ARG2: variants seen among roughly 807,000 people sequenced by gnomAD.
ARG2 encodes arginase 2.
A neutral mutation model predicts 39.4 loss-of-function variants in ARG2; 21 were observed. The observed-to-expected ratio is 0.53, with a 90% CI of 0.38 to 0.77. The LOEUF (loss-of-function observed/expected upper bound fraction) is 0.77. Among genes scored for constraint, ARG2 ranks in the 30% least tolerant of loss-of-function variants. The pLI is 0.00. For missense variants in ARG2, 378 were observed against 426.2 expected (o/e 0.89, Z 1.00); for synonymous variants, 150 against 156.7 (o/e 0.96, Z 0.32).
intron 2 of ARG2, among the ~76,000 whole-genome samples, chr14:67,638,450 T>C (rs1407578163): frequency 6.6e-6 from 1 of 152,150 alleles, no homozygotes; most frequent in African/African-American, 2.4e-5. Flanking sequence ...ACCTCTGATA[T>C]ACACGTTATC....
At position 67,642,285 on chromosome 14, in the gene ARG2, C is replaced by A; in HGVS notation, c.284C>A (p.Ala95Asp). ...LIVNPRSVGL[A>D]NQELAEVVSR... ...GTGAATCCACGCTCAGTGGGTCTTG[C>A]CAACCAGGAACTGGCTGAGGTGGTT... is the stretch of plus-strand genomic sequence containing the variant. The change falls in exon 3 of 8, where the codon GCC becomes GAC. Residue 95 changes from alanine (A) to aspartate (D), a missense_variant. Ala to Asp is a moderately radical substitution (Grantham distance 126). Coordinates refer to ENST00000261783, the MANE Select transcript of ARG2 (RefSeq NM_001172.4). 5.0e-6 allele frequency: 8 copies of A among 1,614,056 alleles called. No homozygotes were observed. The highest frequency in any genetic ancestry group is 6.8e-6 in the Non-Finnish European group (8 of 1,180,004).
chr14:67,651,555 C>A lies in ARG2; in HGVS notation c.*635C>A. The A allele has an allele frequency of 4.6e-6, 7 of 1,531,086 alleles. No individual in the cohort carries two copies. Among genetic ancestry groups the A allele is most frequent in the Non-Finnish European group, 6.2e-6 (7 of 1,127,632 alleles). 94.8% of individuals were successfully genotyped at this position (1,531,086 alleles called of 1,614,324 possible). ...CCTTCTAAACATTTTGGGGTTAGAC[C>A]TGGGACCACGGCTGGATACTCTGAG... On this transcript the variant is annotated 3_prime_UTR_variant, in exon 8 of 8. Coordinates refer to ENST00000261783, the MANE Select transcript of ARG2 (RefSeq NM_001172.4).
chr14:67,646,557 A>C (rs1197422067), intron 4 of ARG2, 87 bp from the exon 5 acceptor site: 1 of 1,047,440 alleles, frequency 9.5e-7, no homozygotes, highest in Non-Finnish European at 1.5e-6. Flanking sequence ...AGAAGAAAGC[A>C]GATTGCATAC....
In ARG2 at chr14:67,651,066, C is replaced by T. The variant is rs1831827010; in HGVS notation, c.*146C>T. 10 of 1,060,892 alleles carry T rather than the reference C, an allele frequency of 9.4e-6. No individual in the cohort carries two copies. The highest frequency in any genetic ancestry group is 2.2e-4 in the Middle Eastern group (1 of 4,546). The allele number at this position is 1,060,892 out of a possible 1,614,324, so 65.7% of individuals were successfully genotyped here. ...TTCTCACAATTGTAAAGTTTCCCCT[C>T]TATTTTGGTGACCAATACTACTGTA... On this transcript the variant is annotated 3_prime_UTR_variant, in exon 8 of 8. Transcript: ENST00000261783.
At chr14:67,627,320 G>A (rs1424234042) in intron 2 of ARG2, among the ~76,000 whole-genome samples, 2 of 148,072 alleles carry the variant, frequency 1.4e-5, no homozygotes, top group African/African-American at 5.1e-5. Context: ...TCTGTTTTGT[G>A]ACTTGGGTAG....
intron 2 of ARG2, among the ~76,000 whole-genome samples, chr14:67,633,045 C>T (rs899912232): frequency 1.3e-5 from 2 of 151,946 alleles, no homozygotes; most frequent in African/African-American, 4.8e-5. Flanking sequence ...TGGTCTCGAT[C>T]TCCTGACCTC....
chr14:67,647,936 C>T, intron 6 of ARG2, 111 bp from the exon 7 acceptor site: 1 of 1,059,106 alleles, frequency 9.4e-7, no homozygotes, highest in Non-Finnish European at 1.4e-6. Flanking sequence ...TAACAAAGTA[C>T]TAGGACTAAT....
At chr14:67,625,915 T>C (rs1007963515) in intron 2 of ARG2, among the ~76,000 whole-genome samples, 1 of 152,160 alleles carries the variant, frequency 6.6e-6, no homozygotes, top group Non-Finnish European at 1.5e-5. Flanking sequence ...AAAGAAGTTA[T>C]ACAAATGGGC....
intron 3 of ARG2, among the ~76,000 whole-genome samples, chr14:67,643,862 A>G (rs1037906438): frequency 1.6e-4 from 15 of 91,090 alleles, no homozygotes; most frequent in African/African-American, 3.5e-4. Flanking sequence ...TAAAAAAAAA[A>G]AAAAAAAAAA....
intron 7 of ARG2, chr14:67,649,801 T>C (rs1343566124): frequency 6.6e-6 from 1 of 152,246 alleles, no homozygotes; most frequent in Non-Finnish European, 1.5e-5. Context: ...CCAGACTTTA[T>C]GGCCACCCTA....
At chr14:67,644,841 A>G (rs576167961) in intron 3 of ARG2, among the ~76,000 whole-genome samples, 2 of 152,064 alleles carry the variant, frequency 1.3e-5, no homozygotes, top group Non-Finnish European at 2.9e-5. Context: ...TACTAAAAAT[A>G]CAAAAAATTA....
In ARG2 at chr14:67,639,924, CAAAA is replaced by C. The variant is rs5809358; in HGVS notation, c.185-2240_185-2237del. On this transcript the variant is annotated intron_variant, in intron 2 of 7. Transcript: ENST00000261783. The stretch of plus-strand genomic sequence containing the variant: ...TGCATGATAGCGCAAGACCCTGTCT[CAAAA>C]AAAAAAAAAAAAAAAAAAAAAGTCT... 9.7e-5 allele frequency among the ~76,000 whole-genome samples: 6 copies of C among 61,834 alleles called. No homozygotes were observed. The East Asian group carries it at 1.3e-3, about 13-fold the overall frequency. 40.6% of individuals were successfully genotyped at this position (61,834 alleles called of 152,430 possible).
At position 67,646,669 on chromosome 14, in the gene ARG2, G is replaced by A; in HGVS notation, c.548G>A (p.Trp183Ter). Residue 183 changes from tryptophan (W) to a stop codon, truncating the protein, a stop_gained, in exon 5 of 8, where the codon TGG becomes TAG. Coordinates refer to ENST00000261783, the MANE Select transcript of ARG2 (RefSeq NM_001172.4). LOFTEE classifies it high-confidence loss of function. ...DKVPQLPGFSWIKPCISSASI... is the reference protein window; with the variant it reads ...DKVPQLPGFS ...GTACCACAACTCCCAGGATTTTCCT[G>A]GATCAAACCTTGTATCTCTTCTGCA... 1 of 1,613,264 alleles carries A rather than the reference G, an allele frequency of 6.2e-7. No homozygotes were observed. Among genetic ancestry groups the A allele is most frequent in the South Asian group, 1.1e-5 (1 of 91,016 alleles).
At position 67,651,462 on chromosome 14, in the gene ARG2, G is replaced by A; in HGVS notation, c.*542G>A. The A allele has an allele frequency of 6.2e-7, 1 of 1,613,872 alleles. No individual in the cohort carries two copies. The highest frequency in any genetic ancestry group is 8.5e-7 in the Non-Finnish European group (1 of 1,179,766). On this transcript the variant is annotated 3_prime_UTR_variant, in exon 8 of 8. Coordinates refer to ENST00000261783, the MANE Select transcript of ARG2 (RefSeq NM_001172.4). ...TCCAGTAAGATGATAATGGAAAGCA[G>A]CAGCTTGTTGGTTGTCACTCTACAA...
chr14:67,631,845 A>T (rs2036921968), intron 2 of ARG2, among the ~76,000 whole-genome samples: 1 of 151,704 alleles, frequency 6.6e-6, no homozygotes, highest in African/African-American at 2.4e-5. Context: ...CTTTACTGTC[A>T]CCTGTATGCT....
chr14:67,625,417 G>A lies in ARG2; in HGVS notation c.184+4451G>A, dbSNP rs148775616. Among the ~76,000 whole-genome samples the A allele has an allele frequency of 4.9e-3, 749 of 152,168 alleles. 36 individuals are homozygous for A. The East Asian group carries it at 0.083, about 17-fold the overall frequency. On this transcript the variant is annotated intron_variant, in intron 2 of 7. Coordinates refer to ENST00000261783, the MANE Select transcript of ARG2 (RefSeq NM_001172.4). ...GTGGGGGCCAGGCACGGTGGCTCAC[G>A]CCTGTAATCCCAGCACTTTGGGAGG...
chr14:67,627,054 G>C (rs927621303), intron 2 of ARG2, among the ~76,000 whole-genome samples: 7 of 152,126 alleles, frequency 4.6e-5, no homozygotes, highest in Non-Finnish European at 1.0e-4. Context: ...GTGGTTCCCA[G>C]GAGCTGGGAA....
chr14:67,630,344 T>C (rs1233790547), intron 2 of ARG2, among the ~76,000 whole-genome samples: 7 of 152,214 alleles, frequency 4.6e-5, no homozygotes, highest in Non-Finnish European at 8.8e-5. Context: ...TCTCTTCCTT[T>C]AAGTTCAGAC....
At chr14:67,630,018 G>C (rs2036903277) in intron 2 of ARG2, among the ~76,000 whole-genome samples, 1 of 152,178 alleles carries the variant, frequency 6.6e-6, no homozygotes, top group African/African-American at 2.4e-5. Flanking sequence ...CTCGTTCTCA[G>C]TGTCTTCCTT....
Sources: allele counts gnomAD v4.1 joint callset (sites outside exome capture counted in the v4.1 genomes callset), GRCh38; gene constraint gnomAD v4.1.1; transcripts MANE v1.5; gene names NCBI Gene and HGNC (gene_info 2026-07-23, HGNC 2026-07-21).